Variants in AGBL4 observed in about 807,000 individuals in gnomAD.
AGBL4 encodes AGBL carboxypeptidase 4, also known as cytosolic carboxypeptidase 6.
Under a neutral mutation model 66.4 loss-of-function variants are expected in AGBL4, and 58 were observed. The ratio of observed to expected loss-of-function variants is 0.87; its 90% CI spans 0.71 to 1.09. The LOEUF is 1.09. Among genes scored for constraint, AGBL4 ranks in the 50% least tolerant of loss-of-function variants. AGBL4 has a pLI of 0.00. For missense variants in AGBL4, 579 were observed against 631.0 expected, an observed-to-expected ratio of 0.92 and a Z score of 0.88; for synonymous variants, 234 against 222.9, an observed-to-expected ratio of 1.05 and a Z score of -0.44.
intron 4 of AGBL4, chr1:49,187,259 A>T (rs1266410548): frequency 6.6e-6 from 1 of 152,142 alleles, no homozygotes; most frequent in Non-Finnish European, 1.5e-5. Flanking sequence ...CTAGGATACT[A>T]ATGAGTTTTC....
At chr1:48,961,080 GGTGTGTGTGT>G (rs140660896) in intron 5 of AGBL4, among the ~76,000 whole-genome samples, 1 of 148,626 alleles carries the variant, frequency 6.7e-6, no homozygotes, top group Non-Finnish European at 1.5e-5. Flanking sequence ...CCCAGTCTGG[GGTGTGTGTGT>G]GTGTGTGTGT....
At chr1:49,069,876 C>T (rs1275577853) in intron 4 of AGBL4, among the ~76,000 whole-genome samples, 1 of 151,860 alleles carries the variant, frequency 6.6e-6, no homozygotes, top group Non-Finnish European at 1.5e-5. Context: ...ATGGAATGTT[C>T]TTCCATTTGT....
At chr1:48,567,917 C>A (rs1644501686) in intron 11 of AGBL4, among the ~76,000 whole-genome samples, 1 of 152,132 alleles carries the variant, frequency 6.6e-6, no homozygotes, top group Non-Finnish European at 1.5e-5. Context: ...TCACTCCAGG[C>A]CTTGTGAGGC....
At chr1:48,680,649 G>A (rs762605255) in intron 6 of AGBL4, among the ~76,000 whole-genome samples, 3 of 152,208 alleles carry the variant, frequency 2.0e-5, no homozygotes, top group Non-Finnish European at 4.4e-5. Flanking sequence ...AATTCCCTCC[G>A]TGACTAAGTG....
At chr1:49,370,098 A>C (rs1462368706) in intron 3 of AGBL4, among the ~76,000 whole-genome samples, 1 of 147,456 alleles carries the variant, frequency 6.8e-6, no homozygotes, top group Admixed American at 6.8e-5. Flanking sequence ...TATTATATAT[A>C]TAATTACAAT....
chr1:49,415,233 C>A (rs1236423408), intron 3 of AGBL4, among the ~76,000 whole-genome samples: 1 of 152,078 alleles, frequency 6.6e-6, no homozygotes, highest in Non-Finnish European at 1.5e-5. Context: ...GTCTTTATAT[C>A]TCCTACTACA....
At chr1:49,284,260 T>A (rs951841245) in intron 3 of AGBL4, among the ~76,000 whole-genome samples, 2 of 152,046 alleles carry the variant, frequency 1.3e-5, no homozygotes, top group African/African-American at 4.8e-5. Flanking sequence ...GAATTTCATA[T>A]CCAGCCAAAC....
intron 6 of AGBL4, among the ~76,000 whole-genome samples, chr1:48,735,697 A>G (rs1460569249): frequency 6.6e-6 from 1 of 151,674 alleles, no homozygotes; most frequent in Non-Finnish European, 1.5e-5. Context: ...TCTAGTGACT[A>G]CCAGCTGGTC....
chr1:49,301,395 T>C (rs936114911), intron 3 of AGBL4, among the ~76,000 whole-genome samples: 20 of 152,230 alleles, frequency 1.3e-4, no homozygotes, highest in Non-Finnish European at 2.5e-4. Flanking sequence ...ATGTGTGGGC[T>C]TAACTAACTA....
At chr1:49,127,980 C>A (rs561954970) in intron 4 of AGBL4, among the ~76,000 whole-genome samples, 1 of 151,510 alleles carries the variant, frequency 6.6e-6, no homozygotes. Flanking sequence ...CAGCTATAAA[C>A]GGTAGAAAAA....
chr1:49,233,816 C>A (rs1011289407), intron 4 of AGBL4, among the ~76,000 whole-genome samples: 1 of 152,252 alleles, frequency 6.6e-6, no homozygotes, highest in Middle Eastern at 3.4e-3. Context: ...AGTTAACTAC[C>A]AAAATCCATG....
chr1:49,397,329 A>G (rs1644994323), intron 3 of AGBL4, among the ~76,000 whole-genome samples: 1 of 152,314 alleles, frequency 6.6e-6, no homozygotes, highest in Non-Finnish European at 1.5e-5. Context: ...ACTAGAGAAT[A>G]GAAACCACAA....
intron 2 of AGBL4, among the ~76,000 whole-genome samples, chr1:49,706,815 C>G (rs1647245174): frequency 6.6e-6 from 1 of 152,146 alleles, no homozygotes; most frequent in African/African-American, 2.4e-5. Context: ...AGTAGTCACT[C>G]AGGAGCAGGT....
At chr1:48,880,405 C>T (rs140541174) in intron 5 of AGBL4, among the ~76,000 whole-genome samples, 85 of 152,186 alleles carry the variant, frequency 5.6e-4, no homozygotes, top group African/African-American at 1.9e-3. Flanking sequence ...TTTGCAATTG[C>T]GAATTGTGCT....
intron 5 of AGBL4, among the ~76,000 whole-genome samples, chr1:48,963,339 C>T (rs1658156421): frequency 6.6e-6 from 1 of 152,032 alleles, no homozygotes; most frequent in South Asian, 2.1e-4. Flanking sequence ...TAAATTTCAA[C>T]ATGAGTTTTA....
At chr1:49,176,076 A>G (rs1335813723) in intron 4 of AGBL4, among the ~76,000 whole-genome samples, 1 of 152,034 alleles carries the variant, frequency 6.6e-6, no homozygotes, top group Non-Finnish European at 1.5e-5. Context: ...GTTTTTCCAT[A>G]CTCTGTAGGT....
At chr1:49,544,952 C>T (rs1449160753) in intron 3 of AGBL4, among the ~76,000 whole-genome samples, 1 of 152,198 alleles carries the variant, frequency 6.6e-6, no homozygotes, top group African/African-American at 2.4e-5. Flanking sequence ...ATGTTCATTA[C>T]TTATTTACAT....
In AGBL4 at chr1:48,590,894, C is replaced by G. The variant is rs899125154; in HGVS notation, c.1043G>C (p.Arg348Pro). 2 of 1,608,380 alleles carry G rather than the reference C, an allele frequency of 1.2e-6. No homozygotes were observed. The highest frequency in any genetic ancestry group is 2.7e-5 in the African/African-American group (2 of 74,968). Residue 348 changes from arginine (R) to proline (P), a missense_variant, in exon 10 of 14, where the codon CGG becomes CCG. By Grantham distance (103) the Arg-to-Pro change is moderately radical. Transcript: ENST00000371839. ...GGGAAAAATGGCCTGCCTCTGGAACCGTTCCTCATCCTCAAAGATGTTGCC... is the reference window on the plus strand; with the variant it reads ...GGGAAAAATGGCCTGCCTCTGGAACGGTTCCTCATCCTCAAAGATGTTGCC... The part of the protein sequence containing the change: ...MYGNIFEDEE[R>P]FQRQAIFPKL...
Position 49,307,009 on chromosome 1 carries a change from T to A in AGBL4, c.283-61145A>T, listed in dbSNP as rs534948502. 3.9e-5 allele frequency among the ~76,000 whole-genome samples: 6 copies of A among 152,302 alleles called. No individual in the cohort carries two copies. In the East Asian group the frequency reaches 1.2e-3, roughly 29 times the overall value. Reference sequence around the variant, plus strand: ...GTTCTGTACACTATACATGTTGCCTTAAATGTAGGCAGATTCTCTTTATCC... The same window carrying A: ...GTTCTGTACACTATACATGTTGCCTAAAATGTAGGCAGATTCTCTTTATCC... On this transcript the variant is annotated intron_variant, in intron 3 of 13. Coordinates refer to ENST00000371839, the MANE Select transcript of AGBL4 (RefSeq NM_032785.4).
Sources: gnomAD v4.1 joint callset for allele counts (sites outside exome capture counted in the v4.1 genomes callset) on GRCh38, gnomAD v4.1.1 for gene constraint, MANE v1.5 for transcripts, NCBI Gene and HGNC (gene_info 2026-07-23, HGNC 2026-07-21) for gene names.